Variants in SEC31A observed in about 807,000 individuals in gnomAD.
SEC31A encodes SEC31 homolog A, COPII component.
A neutral mutation model predicts 151.0 loss-of-function variants in SEC31A; 70 were observed. The ratio of observed to expected loss-of-function variants is 0.46; its 90% CI spans 0.38 to 0.57. The LOEUF is 0.57. SEC31A is among the 20% of genes least tolerant of loss of function. SEC31A has a pLI of 0.00. For synonymous variants in SEC31A, 475 were observed against 505.9 expected (o/e 0.94, Z 0.82); for missense variants, 1,330 against 1,471.2 (o/e 0.90, Z 1.57).
rs1308977218 is a variant in SEC31A, at chr4:82,833,334, T to C, written c.2969-4276A>G. ...AAAACCAAACACCACATGTTCTCAC[T>C]CATAAATGGGAATTGAAGAATGAGA... is the stretch of plus-strand genomic sequence containing the variant. On this transcript the variant is annotated intron_variant, in intron 22 of 26. Transcript: ENST00000395310. Among the ~76,000 whole-genome samples the C allele has an allele frequency of 5.3e-5, 8 of 151,940 alleles. No individual in the cohort carries two copies. The East Asian group carries it at 1.5e-3, about 29-fold the overall frequency.
In SEC31A at chr4:82,891,102, C is replaced by A. The variant is rs944899826; in HGVS notation, c.-19G>T. 2 of 1,535,890 alleles carry A rather than the reference C, an allele frequency of 1.3e-6. No homozygotes were observed. The highest frequency in any genetic ancestry group is 1.7e-6 in the Non-Finnish European group (2 of 1,146,804). On this transcript the variant is annotated 5_prime_UTR_variant, in exon 1 of 27. Coordinates refer to ENST00000395310, the MANE Select transcript of SEC31A (RefSeq NM_001077207.4). ...GGCGGACGCACCTGGCGAGGACCTT[C>A]GGCAGCCGGATCCTGCGTTAGTGCA...
chr4:82,824,210 A>G (rs1204957094), intron 25 of SEC31A, among the ~76,000 whole-genome samples: 1 of 152,136 alleles, frequency 6.6e-6, no homozygotes, highest in Non-Finnish European at 1.5e-5. Context: ...TTATTTTATT[A>G]TATTTTATTT....
At chr4:82,853,878 T>A (rs1475266408) in intron 17 of SEC31A, among the ~76,000 whole-genome samples, 163 bp from the exon 18 acceptor site, 1 of 152,190 alleles carries the variant, frequency 6.6e-6, no homozygotes, top group Non-Finnish European at 1.5e-5. Flanking sequence ...TATGCATTTG[T>A]TAAATGAATG....
chr4:82,822,098 A>G (rs1437290927), intron 25 of SEC31A, among the ~76,000 whole-genome samples: 1 of 152,236 alleles, frequency 6.6e-6, no homozygotes, highest in Non-Finnish European at 1.5e-5. Context: ...CAGTTTTAAA[A>G]TTACATGATT....
intron 3 of SEC31A, among the ~76,000 whole-genome samples, chr4:82,879,370 TG>T (rs1738737342): frequency 3.8e-5 from 1 of 26,622 alleles, no homozygotes; most frequent in African/African-American, 7.6e-5. Context: ...GACCTTTGTC[TG>T]AAAAAAAAAA....
intron 8 of SEC31A, among the ~76,000 whole-genome samples, chr4:82,869,195 C>T (rs1486938220): frequency 2.0e-5 from 3 of 152,044 alleles, no homozygotes; most frequent in Non-Finnish European, 2.9e-5. Flanking sequence ...TCTGGGCTCA[C>T]TGCAAGCTCC....
intron 7 of SEC31A, chr4:82,871,515 C>T (rs1285058159): frequency 3.2e-6 from 3 of 936,046 alleles, no homozygotes; most frequent in African/African-American, 1.6e-5. Context: ...GTGGCCCATG[C>T]CTGTATTCCC....
chr4:82,823,563 G>A (rs1223181257), intron 25 of SEC31A, among the ~76,000 whole-genome samples: 1 of 152,156 alleles, frequency 6.6e-6, no homozygotes, highest in African/African-American at 2.4e-5. Context: ...TTTTCATGCA[G>A]ACAAGTAGCC....
chr4:82,864,913 T>A (rs1734977501), intron 10 of SEC31A, among the ~76,000 whole-genome samples: 1 of 151,908 alleles, frequency 6.6e-6, no homozygotes, highest in African/African-American at 2.4e-5. Context: ...GTAGCTGGGA[T>A]TACAGGTGCC....
intron 1 of SEC31A, among the ~76,000 whole-genome samples, chr4:82,884,755 T>C (rs181515486): frequency 1.8e-3 from 278 of 152,328 alleles, no homozygotes; most frequent in African/African-American, 6.4e-3. Context: ...TTTTTGTGAA[T>C]TGTTCTTGGG....
At chr4:82,855,971 G>A (rs1219265312) in intron 16 of SEC31A, among the ~76,000 whole-genome samples, 1 of 152,048 alleles carries the variant, frequency 6.6e-6, no homozygotes, top group Non-Finnish European at 1.5e-5. Context: ...CCTCTTCTAT[G>A]ACTACAGTTC....
intron 1 of SEC31A, among the ~76,000 whole-genome samples, chr4:82,883,222 C>T (rs1739795703): frequency 6.6e-6 from 1 of 152,162 alleles, no homozygotes; most frequent in Non-Finnish European, 1.5e-5. Flanking sequence ...TGGCATAGTA[C>T]TGCACTATAA....
chr4:82,856,803 T>C, intron 16 of SEC31A, 149 bp downstream of exon 16: 2 of 670,096 alleles, frequency 3.0e-6, no homozygotes, highest in Non-Finnish European at 4.8e-6. Context: ...CATGCCAAAA[T>C]GCCAACAACT....
In SEC31A at chr4:82,875,852, C is replaced by A. The variant is rs745866273; in HGVS notation, c.403-30G>T. 8 of 1,210,764 alleles carry A rather than the reference C, an allele frequency of 6.6e-6. 1 individual carries two copies. In the South Asian group the frequency reaches 1.1e-4, roughly 17 times the overall value. 75.0% of individuals were successfully genotyped at this position (1,210,764 alleles called of 1,614,324 possible). On this transcript the variant is annotated intron_variant, in intron 4 of 26. Coordinates refer to ENST00000395310, the MANE Select transcript of SEC31A (RefSeq NM_001077207.4). ...AAGAAGAAACCATAACTAAATAGCA[C>A]TTATGAATAATTAAGAAAATTCAGA...
chr4:82,891,205 T>A, upstream of SEC31A: 3 of 1,528,946 alleles, frequency 2.0e-6, no homozygotes, highest in Non-Finnish European at 2.6e-6. Flanking sequence ...CGTTCCAACG[T>A]GGCAGCCGCA....
intron 7 of SEC31A, 118 bp downstream of exon 7, chr4:82,871,826 A>C: frequency 7.5e-7 from 1 of 1,325,866 alleles, no homozygotes; most frequent in Non-Finnish European, 1.0e-6. Flanking sequence ...GTGACAGAGC[A>C]AAACTCCATC....
At chr4:82,890,586 T>TG in intron 1 of SEC31A, 1 of 258,630 alleles carries the variant, frequency 3.9e-6, no homozygotes, top group Non-Finnish European at 6.1e-6. Context: ...AGGCTGCGCC[T>TG]GGCTACCACC....
intron 13 of SEC31A, 187 bp from the exon 14 acceptor site, chr4:82,861,895 C>T (rs1052913780): frequency 3.1e-4 from 79 of 254,592 alleles, no homozygotes; most frequent in African/African-American, 1.7e-3. Context: ...ACTGCTAACA[C>T]TTTCCCATTC....
intron 4 of SEC31A, 35 bp from the exon 5 acceptor site, chr4:82,875,857 G>C: frequency 8.9e-7 from 1 of 1,127,372 alleles, no homozygotes; most frequent in East Asian, 2.4e-5. Flanking sequence ...TAGCACTTAT[G>C]AATAATTAAG....
Sources: allele counts gnomAD v4.1 joint callset (sites outside exome capture counted in the v4.1 genomes callset), GRCh38; gene constraint gnomAD v4.1.1; transcripts MANE v1.5; gene names NCBI Gene and HGNC (gene_info 2026-07-23, HGNC 2026-07-21).